The following TRIM36 variants were observed in gnomAD, a reference collection of about 807,000 sequenced individuals.
TRIM36 encodes the protein E3 ubiquitin-protein ligase TRIM36.
TRIM36 carries 42 observed loss-of-function variants against 72.4 expected under a neutral mutation model. That is an observed-to-expected ratio of 0.58 (90% CI 0.45 to 0.75). The LOEUF is 0.75. Ranked by LOEUF, TRIM36 falls within the 30% of genes least tolerant of loss-of-function variation. The pLI is 0.00. For missense variants in TRIM36, 913 were observed against 857.1 expected (o/e 1.07, Z -0.81); for synonymous variants, 315 against 282.8 (o/e 1.11, Z -1.14).
intron 5 of TRIM36, 31 bp from the exon 6 acceptor site, chr5:115,137,647 A>C (rs1474749604): frequency 2.6e-6 from 4 of 1,528,908 alleles, no homozygotes; most frequent in East Asian, 2.3e-5. Context: ...CATTACACTA[A>C]GATAAAACAA....
intron 2 of TRIM36, chr5:115,149,193 A>C (rs1387898029): frequency 6.6e-6 from 1 of 152,216 alleles, no homozygotes; most frequent in African/African-American, 2.4e-5. Flanking sequence ...AGCATGCAAT[A>C]CAATCCAAAC....
intron 8 of TRIM36, among the ~76,000 whole-genome samples, chr5:115,132,488 G>A (rs1215873276): frequency 6.7e-6 from 1 of 149,144 alleles, no homozygotes; most frequent in Non-Finnish European, 1.5e-5. Context: ...GTGAGCTAGT[G>A]AGCTGAGATG....
At chr5:115,136,100 C>A (rs12109755) in intron 7 of TRIM36, among the ~76,000 whole-genome samples, 7,284 of 151,914 alleles carry the variant, frequency 0.048, 214 homozygotes, top group East Asian at 0.077. Flanking sequence ...TGCATCCTTC[C>A]CCAGTCCCCC....
At chr5:115,161,026 T>A (rs1754452535) in intron 2 of TRIM36, among the ~76,000 whole-genome samples, 1 of 152,234 alleles carries the variant, frequency 6.6e-6, no homozygotes, top group Non-Finnish European at 1.5e-5. Flanking sequence ...AGGACAATCC[T>A]AAAATTTGCA....
intron 2 of TRIM36, chr5:115,148,228 A>G: frequency 6.1e-6 from 4 of 657,010 alleles, no homozygotes; most frequent in Non-Finnish European, 7.5e-6. Context: ...AACACTACAA[A>G]TAATTTTACA....
chr5:115,158,836 A>T (rs1754326083), intron 2 of TRIM36, among the ~76,000 whole-genome samples: 1 of 152,228 alleles, frequency 6.6e-6, no homozygotes, highest in African/African-American at 2.4e-5. Context: ...TATATTCTCA[A>T]AAACCTGTAA....
intron 3 of TRIM36, among the ~76,000 whole-genome samples, chr5:115,145,356 A>C (rs1753528460): frequency 6.6e-6 from 1 of 152,230 alleles, no homozygotes; most frequent in African/African-American, 2.4e-5. Flanking sequence ...AGAGGATTAA[A>C]AGCTATCAAA....
chr5:115,178,017 C>T (rs1024389037), intron 1 of TRIM36: 3 of 824,512 alleles, frequency 3.6e-6, no homozygotes, highest in Non-Finnish European at 3.8e-6. Flanking sequence ...GTTTACCTGA[C>T]TTGATTATAA....
At chr5:115,150,018 CA>C (rs1753807049) in intron 2 of TRIM36, among the ~76,000 whole-genome samples, 1 of 152,182 alleles carries the variant, frequency 6.6e-6, no homozygotes, top group Non-Finnish European at 1.5e-5. Context: ...CTCGGCCTCC[CA>C]AAGTGCTGGG....
intron 2 of TRIM36, among the ~76,000 whole-genome samples, chr5:115,150,488 T>C (rs1023435124): frequency 6.6e-6 from 1 of 152,140 alleles, no homozygotes; most frequent in African/African-American, 2.4e-5. Flanking sequence ...TCAATTGCAT[T>C]AGACAATGAA....
intron 1 of TRIM36, among the ~76,000 whole-genome samples, chr5:115,179,535 C>A (rs973948395): frequency 6.6e-6 from 1 of 152,262 alleles, no homozygotes; most frequent in Non-Finnish European, 1.5e-5. Context: ...TCGCACACTT[C>A]GAGCCTGTTC....
chr5:115,127,153 T>G (rs534495041), intron 9 of TRIM36, among the ~76,000 whole-genome samples: 1 of 152,352 alleles, frequency 6.6e-6, no homozygotes, highest in East Asian at 1.9e-4. Flanking sequence ...CAGTGATAAC[T>G]GGTCAAATGT....
At chr5:115,168,746 C>G (rs1365386350) in intron 1 of TRIM36, among the ~76,000 whole-genome samples, 1 of 152,194 alleles carries the variant, frequency 6.6e-6, no homozygotes, top group African/African-American at 2.4e-5. Flanking sequence ...AGAATATTCA[C>G]ATCCTATCTC....
rs748775331 is a variant in TRIM36, at chr5:115,130,859, C to A, written c.1529G>T (p.Gly510Val). 19 of 1,608,476 alleles carry A rather than the reference C, an allele frequency of 1.2e-5. No individual in the cohort carries two copies. Among genetic ancestry groups the A allele is most frequent in the Non-Finnish European group, 1.4e-5 (17 of 1,176,542 alleles). ...VFSFLFDEKC[G>V]YNNEHLLLNL... is the part of the protein sequence containing the mutation. Reference sequence around the variant, plus strand: ...CAGCAGGAGGTGTTCATTATTATAGCCACATTTTTCATCAAAGAGGAAGCT... The same window carrying A: ...CAGCAGGAGGTGTTCATTATTATAGACACATTTTTCATCAAAGAGGAAGCT... Residue 510 changes from glycine (G) to valine (V), a missense_variant, in exon 9 of 10, where the codon GGC becomes GTC. By Grantham distance (109) the Gly-to-Val change is moderately radical. Transcript: ENST00000513154.
rs2112751235 is a variant in TRIM36, at chr5:115,126,554, C to G, written c.2100G>C (p.Gln700His). ...AFALMGSGGI[Q>H]LEEPITAKYL... ...ATTTTGCTGTGATGGGTTCTTCAAG[C>G]TGAATTCCTCCACTGCCCATTAATG... The change falls in exon 10 of 10, where the codon CAG (glutamine) becomes CAC (histidine). Residue 700 changes from glutamine to histidine, a missense_variant. Gln to His is a conservative substitution (Grantham distance 24). Transcript: ENST00000513154. The G allele has an allele frequency of 2.5e-6, 4 of 1,613,178 alleles. No individual in the cohort carries two copies. The highest frequency in any genetic ancestry group is 4.5e-5 in the East Asian group (2 of 44,854).
At chr5:115,177,887 G>A (rs1439632657) in intron 1 of TRIM36, 3 of 1,612,834 alleles carry the variant, frequency 1.9e-6, no homozygotes, top group African/African-American at 1.3e-5. Flanking sequence ...TGAAGAGAGA[G>A]ACAGAGAGAG....
intron 2 of TRIM36, among the ~76,000 whole-genome samples, chr5:115,154,196 C>T (rs192023572): frequency 1.4e-4 from 20 of 143,158 alleles, no homozygotes; most frequent in Admixed American, 1.1e-3. Context: ...AGTGCTAAGA[C>T]GAAAGTTCAC....
At chr5:115,179,673 C>T (rs1273306891) in intron 1 of TRIM36, among the ~76,000 whole-genome samples, 1 of 152,256 alleles carries the variant, frequency 6.6e-6, no homozygotes, top group Non-Finnish European at 1.5e-5. Context: ...CCGCCCTCCT[C>T]TCCATCTTCC....
intron 2 of TRIM36, among the ~76,000 whole-genome samples, chr5:115,157,798 T>G (rs962919216): frequency 2.6e-5 from 4 of 152,124 alleles, no homozygotes; most frequent in Non-Finnish European, 5.9e-5. Flanking sequence ...ATGGAATGAA[T>G]TAATGGCATT....
Sources: allele counts gnomAD v4.1 joint callset (sites outside exome capture counted in the v4.1 genomes callset), GRCh38; gene constraint gnomAD v4.1.1; transcripts MANE v1.5; gene names NCBI Gene and HGNC (gene_info 2026-07-23, HGNC 2026-07-21).